The following FAM78B variants were observed in gnomAD, a reference collection of about 807,000 sequenced individuals.
FAM78B encodes the protein family with sequence similarity 78 member B.
Under a neutral mutation model 20.0 loss-of-function variants are expected in FAM78B, and 10 were observed. The ratio of observed to expected loss-of-function variants is 0.50; its 90% CI spans 0.31 to 0.85. FAM78B has a LOEUF of 0.85. FAM78B is among the 40% of genes least tolerant of loss of function. FAM78B has a pLI of 0.05. For synonymous variants in FAM78B, 135 were observed against 132.8 expected (o/e 1.02, Z -0.12); for missense variants, 283 against 345.0 (o/e 0.82, Z 1.42).
chr1:166,114,212 T>G (rs1654173689), intron 1 of FAM78B, among the ~76,000 whole-genome samples: 1 of 152,188 alleles, frequency 6.6e-6, no homozygotes, highest in Non-Finnish European at 1.5e-5. Context: ...ACATGCATGA[T>G]CCAACTAAAT....
intron 1 of FAM78B, among the ~76,000 whole-genome samples, chr1:166,145,603 A>C (rs190932491): frequency 1.2e-3 from 187 of 152,360 alleles, no homozygotes; most frequent in African/African-American, 4.2e-3. Context: ...TAGGACTCTA[A>C]GACAGGCCAC....
At chr1:166,061,153 T>C (rs1209877407) in intron 2 of FAM78B, among the ~76,000 whole-genome samples, 2 of 152,248 alleles carry the variant, frequency 1.3e-5, no homozygotes, top group African/African-American at 4.8e-5. Context: ...AACTTACTTC[T>C]TGAATATGCA....
downstream of FAM78B, among the ~76,000 whole-genome samples, chr1:166,068,425 C>T (rs1651883733): frequency 6.6e-6 from 1 of 152,180 alleles, no homozygotes; most frequent in Non-Finnish European, 1.5e-5. Flanking sequence ...AATAACTTGC[C>T]ATCAATAACT....
chr1:166,104,803 C>A, intron 1 of FAM78B, among the ~76,000 whole-genome samples: 1 of 152,156 alleles, frequency 6.6e-6, no homozygotes. Context: ...AGATTTAATG[C>A]CATCCCTATC....
At chr1:166,147,653 A>T (rs183798228) in intron 1 of FAM78B, 13 of 151,378 alleles carry the variant, frequency 8.6e-5, no homozygotes, top group Admixed American at 8.5e-4. Context: ...TTTTTTTGAG[A>T]CAGGATCTCA....
In FAM78B at chr1:166,070,125, G is replaced by A. The variant is rs1234333335; in HGVS notation, c.*116C>T. On this transcript the variant is annotated 3_prime_UTR_variant, in exon 2 of 2. Coordinates refer to ENST00000354422, the MANE Select transcript of FAM78B (RefSeq NM_001017961.5). Reference sequence around the variant, plus strand: ...CTCTTCAAAAGTGGCTGCAAAGGCTGGCAAACCGAGAGGTCTGCTTTGGCT... The same window carrying A: ...CTCTTCAAAAGTGGCTGCAAAGGCTAGCAAACCGAGAGGTCTGCTTTGGCT... The A allele has an allele frequency of 7.1e-7, 1 of 1,401,152 alleles. No individual in the cohort carries two copies. Among genetic ancestry groups the A allele is most frequent in the East Asian group, 2.4e-5 (1 of 41,646 alleles). The allele number at this position is 1,401,152 out of a possible 1,614,324, so 86.8% of individuals were successfully genotyped here.
chr1:166,081,499 C>T lies in FAM78B; in HGVS notation c.264-10736G>A, dbSNP rs1188911252. ...TTGGAGCAAAGCGCCTTACCCCACA[C>T]AGAGAAGCAGTGTTCTCTAATGCCT... is the stretch of plus-strand genomic sequence containing the variant. On this transcript the variant is annotated intron_variant, in intron 1 of 1. Coordinates refer to ENST00000354422, the MANE Select transcript of FAM78B (RefSeq NM_001017961.5). Among the ~76,000 whole-genome samples, 4 of 152,308 alleles carry T rather than the reference C, an allele frequency of 2.6e-5. No homozygotes were observed. The East Asian group carries it at 7.7e-4, about 29-fold the overall frequency.
chr1:166,164,443 T>A (rs990632137), intron 1 of FAM78B, among the ~76,000 whole-genome samples: 2 of 152,256 alleles, frequency 1.3e-5, no homozygotes, highest in African/African-American at 4.8e-5. Context: ...AGTTTTTAAA[T>A]GGCATGATTC....
chr1:166,147,064 T>C (rs1379548083), intron 1 of FAM78B, among the ~76,000 whole-genome samples: 1 of 152,176 alleles, frequency 6.6e-6, no homozygotes, highest in Non-Finnish European at 1.5e-5. Context: ...CTGGAGTTCA[T>C]GAGAGACCTG....
At chr1:166,097,065 A>T (rs1055299726) in intron 1 of FAM78B, among the ~76,000 whole-genome samples, 5 of 152,182 alleles carry the variant, frequency 3.3e-5, no homozygotes, top group African/African-American at 9.7e-5. Flanking sequence ...CAGAAGCAGG[A>T]AAGGGAGACG....
chr1:166,072,055 A>G (rs1409226747), intron 1 of FAM78B, among the ~76,000 whole-genome samples: 1 of 152,234 alleles, frequency 6.6e-6, no homozygotes, highest in Non-Finnish European at 1.5e-5. Flanking sequence ...AGACTGCTTT[A>G]TTCATCAGCT....
At chr1:166,100,314 T>A (rs990229660) in intron 1 of FAM78B, among the ~76,000 whole-genome samples, 1 of 152,146 alleles carries the variant, frequency 6.6e-6, no homozygotes, top group Non-Finnish European at 1.5e-5. Flanking sequence ...GGTACCGGGT[T>A]CATCTCATTG....
intron 1 of FAM78B, among the ~76,000 whole-genome samples, chr1:166,152,635 G>T (rs1185441404): frequency 6.6e-6 from 1 of 151,372 alleles, no homozygotes; most frequent in Non-Finnish European, 1.5e-5. Flanking sequence ...ACATGCTCAG[G>T]GGAAGTTCTT....
At chr1:166,081,108 C>T (rs1652554264) in intron 1 of FAM78B, 1 of 152,274 alleles carries the variant, frequency 6.6e-6, no homozygotes, top group Non-Finnish European at 1.5e-5. Flanking sequence ...CCTCCGCCCA[C>T]TTCCTTTCTG....
intron 1 of FAM78B, among the ~76,000 whole-genome samples, chr1:166,086,495 C>T (rs1348949208): frequency 1.3e-5 from 2 of 152,102 alleles, no homozygotes; most frequent in Non-Finnish European, 2.9e-5. Flanking sequence ...GGGTCAAGGT[C>T]ATGAAAGCGG....
Position 166,165,993 on chromosome 1 carries a change from GGTCGCT to G in FAM78B, c.250_255del (p.Ser84_Asp85del). The G allele has an allele frequency of 6.2e-7, 1 of 1,613,012 alleles. No homozygotes were observed. The highest frequency in any genetic ancestry group is 8.5e-7 in the Non-Finnish European group (1 of 1,179,628). On this transcript the variant is annotated inframe_deletion, in exon 1 of 2. Transcript: ENST00000354422. ...GCGCGGCGAGTCGCTTACATGCCCA[GGTCGCT>G]GTAGGTGTTGAAGAACTCCATCTGA...
At chr1:166,164,309 A>C (rs1416243567) in intron 1 of FAM78B, among the ~76,000 whole-genome samples, 1 of 152,202 alleles carries the variant, frequency 6.6e-6, no homozygotes. Context: ...CAGGGAAATG[A>C]GAGGAAGGGC....
chr1:166,111,626 C>T (rs1482402044), intron 1 of FAM78B, among the ~76,000 whole-genome samples: 1 of 152,212 alleles, frequency 6.6e-6, no homozygotes, highest in Non-Finnish European at 1.5e-5. Context: ...AAAAGTCAAA[C>T]TCCCAAGGTC....
chr1:166,093,506 G>T (rs958197380), intron 1 of FAM78B, among the ~76,000 whole-genome samples: 2 of 152,112 alleles, frequency 1.3e-5, no homozygotes, highest in African/African-American at 4.8e-5. Flanking sequence ...TGACATGTTT[G>T]GCCCTATAGG....
Sources: allele counts gnomAD v4.1 joint callset (sites outside exome capture counted in the v4.1 genomes callset), GRCh38; gene constraint gnomAD v4.1.1; transcripts MANE v1.5; gene names NCBI Gene and HGNC (gene_info 2026-07-23, HGNC 2026-07-21).